WDR4: variants seen among roughly 807,000 people sequenced by gnomAD.
WDR4 encodes tRNA (guanine-N(7)-)-methyltransferase non-catalytic subunit WDR4.
In WDR4, 47 loss-of-function variants were observed where a neutral mutation model predicts 48.6. That is an observed-to-expected ratio of 0.97 (90% CI 0.77 to 1.23). The LOEUF is 1.23. Ranked by LOEUF, WDR4 falls within the 50% of genes most tolerant of loss-of-function variation. The probability of loss-of-function intolerance (pLI) is 0.00; values close to 1 mark genes in which losing one functional copy is unlikely to be tolerated. For synonymous variants in WDR4, 268 were observed against 230.0 expected (o/e 1.17, Z -1.49); for missense variants, 606 against 551.6 (o/e 1.10, Z -0.99).
upstream of WDR4, among the ~76,000 whole-genome samples, chr21:42,882,850 G>A (rs1475255938): frequency 2.0e-5 from 3 of 151,996 alleles, no homozygotes; most frequent in African/African-American, 4.8e-5. Flanking sequence ...TGTAATCCCA[G>A]CACTTTGAGA....
exon 12 of WDR4, chr21:42,843,185 T>C (rs903288646): frequency 6.6e-6 from 1 of 152,206 alleles, no homozygotes; most frequent in East Asian, 1.9e-4. Context: ...CGACTTACGA[T>C]GGAGCTACAT....
chr21:42,859,905 G>T (rs946218638), intron 5 of WDR4, among the ~76,000 whole-genome samples, 183 bp from the exon 6 acceptor site: 1 of 152,080 alleles, frequency 6.6e-6, no homozygotes, highest in Non-Finnish European at 1.5e-5. Context: ...TAACCAGGTG[G>T]AGGCCCCTGG....
intron 7 of WDR4, among the ~76,000 whole-genome samples, chr21:42,854,963 G>T (rs767719104): frequency 3.0e-4 from 46 of 152,076 alleles, no homozygotes; most frequent in Non-Finnish European, 6.0e-4. Flanking sequence ...ACTGCCCTGT[G>T]AGCTCCCACA....
At chr21:42,859,785 T>C (rs2058075495) in intron 5 of WDR4, 63 bp from the exon 6 acceptor site, 7 of 1,512,970 alleles carry the variant, frequency 4.6e-6, no homozygotes, top group Non-Finnish European at 6.3e-6. Flanking sequence ...CCGGGAGGCC[T>C]GGGGAGGCCG....
intron 1 of WDR4, 55 bp from the exon 2 acceptor site, chr21:42,876,822 A>AT: frequency 3.2e-6 from 5 of 1,547,002 alleles, no homozygotes; most frequent in African/African-American, 1.4e-5. Context: ...AGAAATAACA[A>AT]ATTTTTTTTT....
intron 2 of WDR4, 59 bp from the exon 3 acceptor site, chr21:42,873,750 T>A (rs555482433): frequency 1.3e-6 from 2 of 1,578,040 alleles, no homozygotes; most frequent in South Asian, 2.3e-5. Flanking sequence ...GCTGCATTCC[T>A]TGTTGGCCAG....
At chr21:42,851,124 T>C (rs2057816720) in intron 10 of WDR4, among the ~76,000 whole-genome samples, 1 of 152,222 alleles carries the variant, frequency 6.6e-6, no homozygotes, top group South Asian at 2.1e-4. Context: ...AGCCCAGGCT[T>C]TGGCCTGAGA....
rs1257785524 is a variant in WDR4 at position 42,849,848 on chromosome 21, G to C, written c.*201C>G. ...CACTGGTCTGGCTTCCCTTCAACCAGAAAGGGGGCACAGGCACCCAGCAAG... is the reference window on the plus strand; with the variant it reads ...CACTGGTCTGGCTTCCCTTCAACCACAAAGGGGGCACAGGCACCCAGCAAG... On this transcript the variant is annotated 3_prime_UTR_variant, in exon 11 of 11. Transcript: ENST00000398208. 2 of 604,704 alleles carry C rather than the reference G, an allele frequency of 3.3e-6. No individual in the cohort carries two copies. The highest frequency in any genetic ancestry group is 2.7e-6 in the Non-Finnish European group (1 of 364,936). The allele number at this position is 604,704 out of a possible 1,614,324, so 37.5% of individuals were successfully genotyped here.
the WDR4 span, among the ~76,000 whole-genome samples, chr21:42,885,918 A>C: frequency 6.6e-6 from 1 of 150,974 alleles, no homozygotes; most frequent in African/African-American, 2.4e-5. Flanking sequence ...GCTAGTGCCA[A>C]ATCCCCAGCT....
chr21:42,844,481 G>A (rs753340036), downstream of WDR4, among the ~76,000 whole-genome samples: 17 of 152,290 alleles, frequency 1.1e-4, no homozygotes, highest in Middle Eastern at 3.4e-3. Flanking sequence ...AGAGACTTCC[G>A]AGAACGGAGG....
chr21:42,865,606 C>T (rs1294065070), intron 3 of WDR4, among the ~76,000 whole-genome samples: 2 of 152,166 alleles, frequency 1.3e-5, no homozygotes, highest in South Asian at 2.1e-4. Context: ...TAGGACGCAG[C>T]TGAGCCTTAC....
In WDR4 at chr21:42,879,440, C is replaced by T; in HGVS notation, c.56G>A (p.Gly19Asp). The stretch of plus-strand genomic sequence containing the variant: ...TATGGAGGTGGCCAGGAATCGGCTG[C>T]CGCCCCGCACCACCAACGTCTGCCC... ...LCGQTLVVRG[G>D]SRFLATSIAS... is the part of the protein sequence containing the mutation. Residue 19 changes from glycine (G) to aspartate (D), a missense_variant, in exon 1 of 11, where the codon GGC becomes GAC. Coordinates refer to ENST00000398208, the MANE Select transcript of WDR4 (RefSeq NM_018669.6). The T allele has an allele frequency of 1.9e-6, 3 of 1,613,208 alleles. No homozygotes were observed. Among genetic ancestry groups the T allele is most frequent in the South Asian group, 1.1e-5 (1 of 91,074 alleles).
upstream of WDR4, among the ~76,000 whole-genome samples, chr21:42,880,302 C>T (rs946816643): frequency 2.6e-4 from 39 of 152,060 alleles, no homozygotes; most frequent in African/African-American, 8.5e-4. Context: ...GGTTAGTTTC[C>T]AGTGTTCATC....
At chr21:42,844,526 C>A (rs1048240022), downstream of WDR4, among the ~76,000 whole-genome samples, 4 of 152,224 alleles carry the variant, frequency 2.6e-5, no homozygotes, top group Non-Finnish European at 5.9e-5. Flanking sequence ...ACCGCCAGGA[C>A]TGAGACAACA....
At chr21:42,857,969 T>C (rs564913578) in intron 6 of WDR4, among the ~76,000 whole-genome samples, 1 of 152,216 alleles carries the variant, frequency 6.6e-6, no homozygotes, top group Non-Finnish European at 1.5e-5. Context: ...TGTGTGCCTG[T>C]AATACTAGCT....
At chr21:42,879,214 G>GAGAGCGGACGC (rs1601194544) in intron 1 of WDR4, 193 bp downstream of exon 1, 67 of 1,312,220 alleles carry the variant, frequency 5.1e-5, no homozygotes, top group Middle Eastern at 2.9e-4. Context: ...AGAGCGGACG[G>GAGAGCGGACGC]CGAAAGCGGA....
intron 10 of WDR4, among the ~76,000 whole-genome samples, chr21:42,851,121 G>A (rs775446062): frequency 5.3e-5 from 8 of 152,206 alleles, no homozygotes; most frequent in Non-Finnish European, 8.8e-5. Flanking sequence ...GCGAGCCCAG[G>A]CTTTGGCCTG....
intron 1 of WDR4, among the ~76,000 whole-genome samples, chr21:42,878,232 G>T (rs1182192766): frequency 6.6e-6 from 1 of 151,964 alleles, no homozygotes; most frequent in Non-Finnish European, 1.5e-5. Flanking sequence ...CTAAACTTCG[G>T]TTTATCCCAT....
intron 9 of WDR4, among the ~76,000 whole-genome samples, chr21:42,853,032 G>A (rs916144960): frequency 1.3e-5 from 2 of 152,056 alleles, no homozygotes; most frequent in Admixed American, 6.5e-5. Flanking sequence ...GCATTGCTCC[G>A]TTACCAGGAG....
Sources: gnomAD v4.1 joint callset for allele counts (sites outside exome capture counted in the v4.1 genomes callset) on GRCh38, gnomAD v4.1.1 for gene constraint, MANE v1.5 for transcripts, NCBI Gene and HGNC (gene_info 2026-07-23, HGNC 2026-07-21) for gene names.